Variants in NDST3 observed in about 807,000 individuals in gnomAD.
NDST3 encodes bifunctional heparan sulfate N-deacetylase/N-sulfotransferase 3.
In NDST3, 58 loss-of-function variants were observed where a neutral mutation model predicts 96.1. The ratio of observed to expected loss-of-function variants is 0.60; its 90% CI spans 0.49 to 0.75. NDST3 has a LOEUF of 0.75. Ranked by LOEUF, NDST3 falls within the 30% of genes least tolerant of loss-of-function variation. NDST3 has a pLI of 0.00. For missense variants in NDST3, 788 were observed against 1,034.2 expected, an observed-to-expected ratio of 0.76 and a Z score of 3.27; for synonymous variants, 333 against 359.7, an observed-to-expected ratio of 0.93 and a Z score of 0.84.
chr4:118,117,954 C>G (rs539271530), intron 4 of NDST3, among the ~76,000 whole-genome samples: 1 of 152,152 alleles, frequency 6.6e-6, no homozygotes, highest in South Asian at 2.1e-4. Flanking sequence ...CCTCGGATTC[C>G]CTGAAGTTCC....
intron 2 of NDST3, among the ~76,000 whole-genome samples, chr4:118,064,728 C>T (rs374746915): frequency 1.7e-3 from 266 of 152,208 alleles, no homozygotes; most frequent in African/African-American, 6.1e-3. Flanking sequence ...TTACCACCAA[C>T]TTAGTGTCTT....
intron 6 of NDST3, among the ~76,000 whole-genome samples, chr4:118,176,927 G>A (rs1408750413): frequency 6.6e-6 from 1 of 151,896 alleles, no homozygotes; most frequent in Non-Finnish European, 1.5e-5. Context: ...TCAAGGAGAA[G>A]GTAGATTTAA....
chr4:118,173,294 A>G (rs1384840669), intron 6 of NDST3, among the ~76,000 whole-genome samples: 1 of 152,122 alleles, frequency 6.6e-6, no homozygotes, highest in Non-Finnish European at 1.5e-5. Flanking sequence ...CCAAAGGAAA[A>G]CAACTAAGAA....
chr4:118,150,128 C>G (rs1167455011), intron 6 of NDST3, among the ~76,000 whole-genome samples: 1 of 151,970 alleles, frequency 6.6e-6, no homozygotes, highest in Non-Finnish European at 1.5e-5. Flanking sequence ...GGTGGATAAG[C>G]TTTTTGATGT....
In NDST3 at chr4:118,170,832, T is replaced by C. The variant is rs549952588; in HGVS notation, c.1539+27148T>C. 4.6e-5 allele frequency among the ~76,000 whole-genome samples: 7 copies of C among 152,334 alleles called. No individual in the cohort carries two copies. The East Asian group carries it at 9.6e-4, about 21-fold the overall frequency. On this transcript the variant is annotated intron_variant, in intron 6 of 13. Transcript: ENST00000296499. ...CTCTACTAATTATTTGCCTTTTCTA[T>C]AGATTTAGGATATTTTTCTCAATTA...
At chr4:118,110,487 G>C (rs2125858656) in intron 3 of NDST3, among the ~76,000 whole-genome samples, 1 of 152,182 alleles carries the variant, frequency 6.6e-6, no homozygotes, top group African/African-American at 2.4e-5. Context: ...CACCTCATGA[G>C]GTTGTTTTGA....
At chr4:118,081,906 T>C (rs1364265148) in intron 2 of NDST3, among the ~76,000 whole-genome samples, 3 of 152,164 alleles carry the variant, frequency 2.0e-5, no homozygotes, top group African/African-American at 7.2e-5. Context: ...CAGAAGAATT[T>C]AACAGCTTTG....
intron 6 of NDST3, among the ~76,000 whole-genome samples, chr4:118,181,866 C>T (rs889575980): frequency 2.0e-5 from 3 of 152,096 alleles, no homozygotes; most frequent in Non-Finnish European, 4.4e-5. Flanking sequence ...ATTTGAAACT[C>T]ATTTAAGGGA....
chr4:118,224,741 A>C, intron 7 of NDST3, 68 bp downstream of exon 7: 1 of 1,376,206 alleles, frequency 7.3e-7, no homozygotes, highest in Non-Finnish European at 9.6e-7. Context: ...GATATCCCAA[A>C]TTTGAAAAGT....
At chr4:118,176,085 T>C (rs1312450692) in intron 6 of NDST3, among the ~76,000 whole-genome samples, 1 of 152,048 alleles carries the variant, frequency 6.6e-6, no homozygotes, top group Admixed American at 6.6e-5. Context: ...AAGGTTAAAA[T>C]TTTTGGCAAT....
chr4:118,179,043 T>C (rs911637365), intron 6 of NDST3, among the ~76,000 whole-genome samples: 22 of 151,960 alleles, frequency 1.4e-4, no homozygotes, highest in African/African-American at 5.3e-4. Flanking sequence ...TAAGAGGAAC[T>C]CCAACTTTAG....
At chr4:118,163,009 A>G (rs571605023) in intron 6 of NDST3, among the ~76,000 whole-genome samples, 3 of 151,764 alleles carry the variant, frequency 2.0e-5, no homozygotes, top group Non-Finnish European at 2.9e-5. Context: ...AATGCTCACC[A>G]TCACTGGCCA....
chr4:118,147,474 A>G (rs759844086), intron 6 of NDST3, among the ~76,000 whole-genome samples: 4 of 152,216 alleles, frequency 2.6e-5, no homozygotes, highest in Non-Finnish European at 5.9e-5. Context: ...TATTTTCAAA[A>G]ATTGTGATAT....
rs1738616417 is a variant in NDST3 at position 118,208,988 on chromosome 4, T to G, written c.1540-15503T>G. 1.9e-5 allele frequency among the ~76,000 whole-genome samples: 2 copies of G among 105,894 alleles called. 1 individual carries two copies. The highest frequency in any genetic ancestry group is 7.0e-5 in the African/African-American group (2 of 28,726). 69.5% of individuals were successfully genotyped at this position (105,894 alleles called of 152,430 possible). A position where few individuals can be genotyped will look rare whatever the true frequency, so the allele number is the denominator to read the frequency against. The stretch of plus-strand genomic sequence containing the variant: ...ATAGTTAATTGAAACCTCTTAGTAG[T>G]GAAGCTGATCTTTGTGATTACCTAA... On this transcript the variant is annotated intron_variant, in intron 6 of 13. Coordinates refer to ENST00000296499, the MANE Select transcript of NDST3 (RefSeq NM_004784.3).
In NDST3 at chr4:118,054,117, G is replaced by C. The variant is rs538112559; in HGVS notation, c.207G>C (p.Lys69Asn). 6.2e-7 allele frequency: 1 copy of C among 1,612,880 alleles called. No homozygotes were observed. The highest frequency in any genetic ancestry group is 8.5e-7 in the Non-Finnish European group (1 of 1,179,316). ...PYQLMEVKAM[K>N]LFDASRTDPT... ...AACTAATGGAAGTGAAAGCAATGAA[G>C]CTTTTTGATGCCTCAAGGACAGACC... Residue 69 changes from lysine to asparagine, a missense_variant, in exon 2 of 14, where the codon AAG (lysine) becomes AAC (asparagine). Physicochemically the swap from Lys to Asn is moderately conservative, Grantham distance 94. Around this residue, in one of 3 missense-constraint regions of NDST3, gnomAD observed 234 missense variants for 256.9 expected, o/e 0.91. Coordinates refer to ENST00000296499, the MANE Select transcript of NDST3 (RefSeq NM_004784.3).
rs7687505 is a variant in NDST3, at chr4:118,055,075, A to G, written c.981+184A>G. The G allele has an allele frequency of 0.011, 8,313 of 739,662 alleles. 497 individuals are homozygous for G. In the African/African-American group the frequency reaches 0.13, roughly 11 times the overall value. 45.8% of individuals were successfully genotyped at this position (739,662 alleles called of 1,614,324 possible). ...ATTATGTATTTCTATCTGAATCAAG[A>G]AAAATAAAGATTTTACTAAAAGATT... On this transcript the variant is annotated intron_variant, in intron 2 of 13. Coordinates refer to ENST00000296499, the MANE Select transcript of NDST3 (RefSeq NM_004784.3).
At chr4:118,191,628 T>C (rs1369847352) in intron 6 of NDST3, among the ~76,000 whole-genome samples, 3 of 152,192 alleles carry the variant, frequency 2.0e-5, no homozygotes, top group African/African-American at 7.2e-5. Flanking sequence ...GTACATGAGA[T>C]GTATTGAAAC....
chr4:118,251,088 T>TTTTATTTA (rs372261437), intron 12 of NDST3, among the ~76,000 whole-genome samples: 4,234 of 139,990 alleles, frequency 0.03, 74 homozygotes, highest in Middle Eastern at 0.053. Flanking sequence ...GCTATAAATT[T>TTTTATTTA]TTTATTTATT....
At chr4:118,153,753 G>C (rs1734556643) in intron 6 of NDST3, among the ~76,000 whole-genome samples, 1 of 152,096 alleles carries the variant, frequency 6.6e-6, no homozygotes, top group Non-Finnish European at 1.5e-5. Flanking sequence ...GAACCCGGGA[G>C]GCGGAGGTTG....
Sources: gnomAD v4.1 joint callset for allele counts (sites outside exome capture counted in the v4.1 genomes callset) on GRCh38, gnomAD v4.1.1 for gene constraint, gnomAD v4.1.1 regional missense constraint, MANE v1.5 for transcripts, NCBI Gene and HGNC (gene_info 2026-07-23, HGNC 2026-07-21) for gene names.